GNB1: variants seen among roughly 807,000 people sequenced by gnomAD.
GNB1 encodes guanine nucleotide-binding protein G(I)/G(S)/G(T) subunit beta-1.
A neutral mutation model predicts 42.9 loss-of-function variants in GNB1; 2 were observed. The observed-to-expected ratio is 0.05, with a 90% confidence interval of 0.02 to 0.15. GNB1 has a LOEUF of 0.15. GNB1 is among the 10% of genes least tolerant of loss of function. The pLI is 1.00. For synonymous variants in GNB1, 183 were observed against 174.7 expected (o/e 1.05, Z -0.38); for missense variants, 193 against 462.2 (o/e 0.42, Z 5.34).
intron 1 of GNB1, among the ~76,000 whole-genome samples, chr1:1,861,428 A>G (rs1463806685): frequency 6.6e-6 from 1 of 152,126 alleles, no homozygotes; most frequent in African/African-American, 2.4e-5. Context: ...AGCCTGAGTG[A>G]CAGAGCAAGA....
At chr1:1,792,500 C>CA (rs1275998570) in intron 8 of GNB1, among the ~76,000 whole-genome samples, 2 of 151,792 alleles carry the variant, frequency 1.3e-5, no homozygotes, top group Non-Finnish European at 2.9e-5. Context: ...GATAAGAGAC[C>CA]ATCCTGGCCA....
chr1:1,788,775 G>A, intron 10 of GNB1: 1 of 393,884 alleles, frequency 2.5e-6, no homozygotes, highest in Non-Finnish European at 4.8e-6. Context: ...GGAAAGCACG[G>A]GGCTGGGCCC....
intron 2 of GNB1, among the ~76,000 whole-genome samples, chr1:1,835,922 GAAAAAAA>G (rs59271649): frequency 4.5e-5 from 4 of 88,676 alleles, no homozygotes; most frequent in Middle Eastern, 8.3e-3. Flanking sequence ...ATTAAAAAAA[GAAAAAAA>G]AAAAAAAAAA....
rs184283759 is a variant in GNB1 at position 1,825,602 on chromosome 1, A to T, written c.-46-103T>A. On this transcript the variant is annotated intron_variant, in intron 2 of 11. Coordinates refer to ENST00000378609, the MANE Select transcript of GNB1 (RefSeq NM_002074.5). ...AGTTTAAGGTGGGCGTGGTGGCTCA[A>T]GCCTGTAATCCCAGCACTTTGGGAG... is the stretch of plus-strand genomic sequence containing the variant. 60 of 698,216 alleles carry T rather than the reference A, an allele frequency of 8.6e-5. No homozygotes were observed. The East Asian group carries it at 1.6e-3, about 18-fold the overall frequency. 43.3% of individuals were successfully genotyped at this position (698,216 alleles called of 1,614,324 possible).
chr1:1,804,882 G>A (rs752870528), intron 6 of GNB1, among the ~76,000 whole-genome samples: 4 of 152,062 alleles, frequency 2.6e-5, no homozygotes, highest in Non-Finnish European at 4.4e-5. Flanking sequence ...ACATTAGGCC[G>A]GGTGCGGTCA....
chr1:1,881,204 C>G (rs557533307), intron 1 of GNB1, among the ~76,000 whole-genome samples: 1 of 152,282 alleles, frequency 6.6e-6, no homozygotes, highest in African/African-American at 2.4e-5. Context: ...TCATTTACAT[C>G]TTTCTCGCCA....
At chr1:1,884,042 C>A (rs1232012930) in intron 1 of GNB1, among the ~76,000 whole-genome samples, 1 of 150,886 alleles carries the variant, frequency 6.6e-6, no homozygotes, top group Non-Finnish European at 1.5e-5. Context: ...CTCGGCTCAC[C>A]GCAACCTCCG....
At chr1:1,885,413 C>CA (rs1290722922) in intron 1 of GNB1, among the ~76,000 whole-genome samples, 25 of 133,614 alleles carry the variant, frequency 1.9e-4, no homozygotes, top group South Asian at 4.7e-4. Context: ...AACTCCATCT[C>CA]AAAAAAAAAA....
chr1:1,798,829 G>A (rs968636428), intron 7 of GNB1, among the ~76,000 whole-genome samples: 2 of 152,180 alleles, frequency 1.3e-5, no homozygotes, highest in African/African-American at 4.8e-5. Context: ...AGGATCCCGA[G>A]TAGCTGGGAC....
At chr1:1,837,226 T>C (rs1344877255) in intron 2 of GNB1, among the ~76,000 whole-genome samples, 1 of 152,122 alleles carries the variant, frequency 6.6e-6, no homozygotes, top group East Asian at 1.9e-4. Flanking sequence ...TTTTACGTTT[T>C]ATATTTAGGT....
intron 6 of GNB1, among the ~76,000 whole-genome samples, chr1:1,805,279 G>T (rs564224664): frequency 6.6e-6 from 1 of 152,086 alleles, no homozygotes; most frequent in East Asian, 2.0e-4. Flanking sequence ...GCCTCAAATT[G>T]GTGAAACCCT....
At chr1:1,890,697 C>A (rs1398274410) in intron 1 of GNB1, 123 bp downstream of exon 1, 1 of 148,296 alleles carries the variant, frequency 6.7e-6, no homozygotes, top group Non-Finnish European at 1.5e-5. Flanking sequence ...GCCCGCCGCA[C>A]CCGGGCGGGG....
intron 2 of GNB1, among the ~76,000 whole-genome samples, chr1:1,838,919 A>C (rs1647186329): frequency 1.3e-5 from 2 of 152,192 alleles, no homozygotes; most frequent in South Asian, 4.1e-4. Context: ...TTGTTTTGAA[A>C]ACCAACTTTG....
At chr1:1,872,817 C>T (rs1173751175) in intron 1 of GNB1, among the ~76,000 whole-genome samples, 3 of 152,182 alleles carry the variant, frequency 2.0e-5, no homozygotes, top group African/African-American at 2.4e-5. Context: ...TGCAACTTCT[C>T]GGTACTCAAC....
intron 2 of GNB1, among the ~76,000 whole-genome samples, chr1:1,835,771 A>C (rs1647138436): frequency 6.6e-6 from 1 of 152,052 alleles, no homozygotes; most frequent in South Asian, 2.1e-4. Context: ...GTGTGTGTTG[A>C]ACATTCCAAG....
intron 1 of GNB1, among the ~76,000 whole-genome samples, chr1:1,864,333 A>AAAAAAAAAAAAAAAAAAAAAAAAAAAT (rs1648800231): frequency 6.7e-6 from 1 of 148,426 alleles, no homozygotes; most frequent in Non-Finnish European, 1.5e-5. Context: ...AAAAAAAAAA[A>AAAAAAAAAAAAAAAAAAAAAAAAAAAT]AAAGAAGAAA....
At chr1:1,789,340 A>C in intron 9 of GNB1, 71 bp from the exon 10 acceptor site, 1 of 850,304 alleles carries the variant, frequency 1.2e-6, no homozygotes, top group East Asian at 2.6e-5. Flanking sequence ...TGGATTGCTC[A>C]ATGGTAGGGC....
At chr1:1,799,517 G>C (rs764077997) in intron 7 of GNB1, among the ~76,000 whole-genome samples, 4 of 152,292 alleles carry the variant, frequency 2.6e-5, no homozygotes, top group South Asian at 2.1e-4. Context: ...AGGGTGCTGC[G>C]TCAGACAGAG....
chr1:1,864,334 A>AAAAAAAAAAAAAAAAAAAAAC (rs1435020110), intron 1 of GNB1, among the ~76,000 whole-genome samples: 1 of 130,526 alleles, frequency 7.7e-6, no homozygotes, highest in Non-Finnish European at 1.6e-5. Flanking sequence ...AAAAAAAAAA[A>AAAAAAAAAAAAAAAAAAAAAC]AAGAAGAAAA....
Sources: gnomAD v4.1 joint callset for allele counts (sites outside exome capture counted in the v4.1 genomes callset) on GRCh38, gnomAD v4.1.1 for gene constraint, MANE v1.5 for transcripts, NCBI Gene and HGNC (gene_info 2026-07-23, HGNC 2026-07-21) for gene names.